B3GALNT1: variants seen among roughly 807,000 people sequenced by gnomAD.
B3GALNT1 encodes the protein UDP-GalNAc:beta-1,3-N-acetylgalactosaminyltransferase 1.
A neutral mutation model predicts 27.3 loss-of-function variants in B3GALNT1; 17 were observed. The observed-to-expected ratio is 0.62, with a 90% CI of 0.43 to 0.94. B3GALNT1 has a LOEUF of 0.94. Among genes scored for constraint, B3GALNT1 ranks in the 40% least tolerant of loss-of-function variants. The probability of loss-of-function intolerance (pLI) is 0.00; values close to 1 mark genes in which losing one functional copy is unlikely to be tolerated. For missense variants in B3GALNT1, 347 were observed against 390.0 expected (o/e 0.89, Z 0.93); for synonymous variants, 141 against 144.0 (o/e 0.98, Z 0.15).
At chr3:161,097,248 C>G (rs1229512643) in intron 4 of B3GALNT1, among the ~76,000 whole-genome samples, 1 of 152,170 alleles carries the variant, frequency 6.6e-6, no homozygotes, top group Non-Finnish European at 1.5e-5. Context: ...GCCAGAGCTA[C>G]ATGAAATAAT....
At chr3:161,088,444 C>A (rs1015911184) in intron 4 of B3GALNT1, among the ~76,000 whole-genome samples, 2 of 152,144 alleles carry the variant, frequency 1.3e-5, no homozygotes, top group African/African-American at 4.8e-5. Context: ...AGCAGGAGTG[C>A]AATGGACACT....
chr3:161,097,979 A>G (rs1378099129), intron 4 of B3GALNT1, among the ~76,000 whole-genome samples: 1 of 152,216 alleles, frequency 6.6e-6, no homozygotes, highest in East Asian at 1.9e-4. Context: ...CTTAAAAATG[A>G]AATATGCTTT....
chr3:161,101,883 T>C (rs1442882221), intron 3 of B3GALNT1, among the ~76,000 whole-genome samples: 1 of 152,204 alleles, frequency 6.6e-6, no homozygotes, highest in Non-Finnish European at 1.5e-5. Context: ...AGCAGCCAAA[T>C]ACAATTCCAG....
intron 4 of B3GALNT1, among the ~76,000 whole-genome samples, chr3:161,094,994 T>C (rs949663919): frequency 6.6e-6 from 1 of 152,010 alleles, no homozygotes; most frequent in African/African-American, 2.4e-5. Context: ...ATCTTTTAAT[T>C]AAAAAATATA....
intron 1 of B3GALNT1, chr3:161,104,985 C>T (rs952193255): frequency 6.6e-6 from 1 of 152,480 alleles, no homozygotes; most frequent in Admixed American, 6.5e-5. Flanking sequence ...CCCACTGGGC[C>T]CCTTCTCCCG....
chr3:161,088,907 G>A (rs9824308), intron 4 of B3GALNT1, among the ~76,000 whole-genome samples: 1 of 152,050 alleles, frequency 6.6e-6, no homozygotes, highest in Non-Finnish European at 1.5e-5. Flanking sequence ...ATAAGCCATA[G>A]TTTCTAAATG....
chr3:161,096,890 CAG>C (rs148364172), intron 4 of B3GALNT1, among the ~76,000 whole-genome samples: 3,084 of 152,254 alleles, frequency 0.02, 100 homozygotes, highest in African/African-American at 0.069. Context: ...CCAACTAAAT[CAG>C]AGTTTCAGAG....
intron 4 of B3GALNT1, among the ~76,000 whole-genome samples, chr3:161,095,005 T>A (rs1167278754): frequency 6.6e-6 from 1 of 152,030 alleles, no homozygotes; most frequent in African/African-American, 2.4e-5. Context: ...AAAAAATATA[T>A]AAATATATAG....
chr3:161,090,024 C>T, intron 4 of B3GALNT1: 1 of 222,478 alleles, frequency 4.5e-6, no homozygotes, highest in South Asian at 4.7e-5. Flanking sequence ...AGCTGAGATC[C>T]TGCCACTGTA....
intron 1 of B3GALNT1, chr3:161,104,927 T>TGCGGC (rs36204596): frequency 0.028 from 4,206 of 152,542 alleles, 203 homozygotes; most frequent in African/African-American, 0.097. Flanking sequence ...AACCAGCGGA[T>TGCGGC]GCGGCGCGGC....
At chr3:161,089,706 A>T (rs987646208) in intron 4 of B3GALNT1, among the ~76,000 whole-genome samples, 3 of 152,176 alleles carry the variant, frequency 2.0e-5, no homozygotes, top group African/African-American at 7.2e-5. Flanking sequence ...GCAAAAGATG[A>T]TGGCAGGAAT....
In B3GALNT1 at chr3:161,104,659, C is replaced by T. The variant is rs370678105; in HGVS notation, c.-308-253G>A. 2.5e-4 allele frequency: 56 copies of T among 228,492 alleles called. No individual in the cohort carries two copies. The East Asian group carries it at 5.9e-3, about 24-fold the overall frequency. 14.2% of individuals were successfully genotyped at this position (228,492 alleles called of 1,614,324 possible). A position where few individuals can be genotyped will look rare whatever the true frequency, so the allele number is the denominator to read the frequency against. The stretch of plus-strand genomic sequence containing the variant: ...CCGTGGGATTTCCTTCTCTCTCCGC[C>T]CGTTCTCCACATTCCCCACTTAGTT... On this transcript the variant is annotated intron_variant, in intron 1 of 4. Transcript: ENST00000320474.
rs1721764494 is a variant in B3GALNT1 at position 161,086,316 on chromosome 3, C to T, written c.439G>A (p.Asp147Asn). ...HLLYGDIIRQ[D>N]FLDTYNNLTL... ...AGGTTATTATATGTGTCTAAAAAATCTTGTCGGATTATGTCACCATAAAGA... is the reference window on the plus strand; with the variant it reads ...AGGTTATTATATGTGTCTAAAAAATTTTGTCGGATTATGTCACCATAAAGA... The change falls in exon 5 of 5, where the codon GAT (aspartate) becomes AAT (asparagine). Residue 147 changes from aspartate (D) to asparagine (N), a missense_variant. Transcript: ENST00000320474. The T allele has an allele frequency of 3.7e-6, 6 of 1,614,058 alleles. No homozygotes were observed. The highest frequency in any genetic ancestry group is 1.3e-5 in the African/African-American group (1 of 74,930).
intron 4 of B3GALNT1, among the ~76,000 whole-genome samples, chr3:161,099,201 G>GA (rs1158285454): frequency 7.9e-5 from 12 of 152,014 alleles, no homozygotes; most frequent in African/African-American, 2.4e-4. Context: ...TCAAACTGGG[G>GA]AAAAAAATCA....
intron 4 of B3GALNT1, among the ~76,000 whole-genome samples, chr3:161,094,483 C>T (rs1727009921): frequency 6.6e-6 from 1 of 152,114 alleles, no homozygotes; most frequent in Non-Finnish European, 1.5e-5. Context: ...ACTACAATGG[C>T]ACAATTATTT....
chr3:161,089,741 G>GGTAAAT (rs1198579595), intron 4 of B3GALNT1, among the ~76,000 whole-genome samples: 3 of 152,066 alleles, frequency 2.0e-5, no homozygotes, highest in Non-Finnish European at 4.4e-5. Context: ...TGTTAATTAA[G>GGTAAAT]GTAAATGTAA....
In B3GALNT1 at chr3:161,103,426, C is replaced by A. The variant is rs1732494560; in HGVS notation, c.-130+1G>T. The A allele has an allele frequency of 4.0e-6, 5 of 1,235,790 alleles. No homozygotes were observed. Among genetic ancestry groups the A allele is most frequent in the South Asian group, 1.3e-5 (1 of 78,724 alleles). The allele number at this position is 1,235,790 out of a possible 1,614,324, so 76.6% of individuals were successfully genotyped here. On this transcript the variant is annotated splice_donor_variant, in intron 3 of 4. Coordinates refer to ENST00000320474, the MANE Select transcript of B3GALNT1 (RefSeq NM_003781.4). LOFTEE classifies it low-confidence loss of function (5UTR_SPLICE). ...TATAAGTTAAAAGTAGATGAACTTA[C>A]CTGTGGAATTCCAGATGAAATTAAA...
rs1197442777 is a variant in B3GALNT1 at position 161,086,099 on chromosome 3, T to A, written c.656A>T (p.Tyr219Phe). The A allele has an allele frequency of 6.2e-7, 1 of 1,600,434 alleles. No homozygotes were observed. The highest frequency in any genetic ancestry group is 8.5e-7 in the Non-Finnish European group (1 of 1,174,340). The change falls in exon 5 of 5, where the codon TAC becomes TTC. Residue 219 changes from tyrosine (Y) to phenylalanine (F), a missense_variant. By Grantham distance (22) the Tyr-to-Phe change is conservative. Coordinates refer to ENST00000320474, the MANE Select transcript of B3GALNT1 (RefSeq NM_003781.4). ...LIDNYSYRGF[Y>F]QKTHISYQEY... ...CTGGTAAGAAATATGGGTTTTTTGG[T>A]AAAATCCTCTATAGGAATAATTATC...
chr3:161,084,844 T>A lies in B3GALNT1; in HGVS notation c.*915A>T, dbSNP rs1720926535. On this transcript the variant is annotated 3_prime_UTR_variant, in exon 5 of 5. Coordinates refer to ENST00000320474, the MANE Select transcript of B3GALNT1 (RefSeq NM_003781.4). ...GCCCATGAGGTTCTCTCCCTTCTTT[T>A]CTGCCTTCAGAGTCCTTTCCAAAAG... 1 of 152,250 alleles carries A rather than the reference T, an allele frequency of 6.6e-6. No homozygotes were observed. Among genetic ancestry groups the A allele is most frequent in the Non-Finnish European group, 1.5e-5 (1 of 68,046 alleles). The allele number at this position is 152,250 out of a possible 1,614,324, so 9.4% of individuals were successfully genotyped here.
Sources: gnomAD v4.1 joint callset for allele counts (sites outside exome capture counted in the v4.1 genomes callset) on GRCh38, gnomAD v4.1.1 for gene constraint, MANE v1.5 for transcripts, NCBI Gene and HGNC (gene_info 2026-07-23, HGNC 2026-07-21) for gene names.